PDZD2: variants seen among roughly 807,000 people sequenced by gnomAD.
PDZD2 encodes the protein PDZ domain-containing protein 2.
In PDZD2, 90 loss-of-function variants were observed where a neutral mutation model predicts 220.7. The ratio of observed to expected loss-of-function variants is 0.41; its 90% CI spans 0.34 to 0.49. PDZD2 has a LOEUF of 0.49. PDZD2 is among the 20% of genes least tolerant of loss of function. The pLI, the probability that PDZD2 is intolerant of heterozygous loss-of-function variation, is 0.28. For missense variants in PDZD2, 3,174 were observed against 3,608.5 expected (o/e 0.88, Z 3.08); for synonymous variants, 1,375 against 1,450.5 (o/e 0.95, Z 1.18).
chr5:31,973,044 A>C lies in PDZD2; in HGVS notation c.477-10111A>C, dbSNP rs563236039. ...AGTACGTTTTATAAAATCAGTTCTC[A>C]TTGTTGATCAAGAATTTTCTGCTTC... On this transcript the variant is annotated intron_variant, in intron 2 of 24. Coordinates refer to ENST00000438447, the MANE Select transcript of PDZD2 (RefSeq NM_178140.4). Among the ~76,000 whole-genome samples the C allele has an allele frequency of 3.3e-4, 51 of 152,336 alleles. No individual in the cohort carries two copies. In the South Asian group the frequency reaches 0.01, roughly 30 times the overall value.
intron 2 of PDZD2, among the ~76,000 whole-genome samples, chr5:31,827,143 T>C (rs1165811253): frequency 6.6e-6 from 1 of 152,180 alleles, no homozygotes; most frequent in Non-Finnish European, 1.5e-5. Flanking sequence ...TATGGAGGGG[T>C]GAACCGGGAA....
chr5:32,011,018 AAAAAC>A (rs1206347629), intron 6 of PDZD2, among the ~76,000 whole-genome samples: 8 of 150,300 alleles, frequency 5.3e-5, no homozygotes, highest in African/African-American at 1.5e-4. Flanking sequence ...CAAAAAAAAA[AAAAAC>A]AACAACAACA....
At position 31,706,415 on chromosome 5, in the gene PDZD2, C is replaced by T. The variant is rs1747822168; in HGVS notation, c.-361+66978C>T. 2.6e-5 allele frequency among the ~76,000 whole-genome samples: 4 copies of T among 151,754 alleles called. No individual in the cohort carries two copies. The South Asian group carries it at 8.3e-4, about 32-fold the overall frequency. On this transcript the variant is annotated intron_variant, in intron 1 of 24. Transcript: ENST00000438447. ...TTGAAGGGGGCAGGACTGGTATGGG[C>T]AGTAGGGGCTGGTGTGCAGGGGAGG...
intron 2 of PDZD2, among the ~76,000 whole-genome samples, chr5:31,839,882 T>C (rs1418313351): frequency 6.6e-6 from 1 of 152,204 alleles, no homozygotes; most frequent in Non-Finnish European, 1.5e-5. Context: ...GCACTTCTCC[T>C]TCCTGCCATC....
chr5:31,892,650 C>T lies in PDZD2; in HGVS notation c.477-90505C>T, dbSNP rs530842315. Among the ~76,000 whole-genome samples, 36 of 150,960 alleles carry T rather than the reference C, an allele frequency of 2.4e-4. No individual in the cohort carries two copies. In the East Asian group the frequency reaches 6.0e-3, roughly 25 times the overall value. ...TGGCGAGACCACAGCTCACTGCAGCCTCGACATCCCGGACTCAAGTGATCC... is the reference window on the plus strand; with the variant it reads ...TGGCGAGACCACAGCTCACTGCAGCTTCGACATCCCGGACTCAAGTGATCC... On this transcript the variant is annotated intron_variant, in intron 2 of 24. Transcript: ENST00000438447.
intron 1 of PDZD2, among the ~76,000 whole-genome samples, chr5:31,686,088 T>TA (rs146553303): frequency 0.11 from 16,072 of 151,474 alleles, 933 homozygotes; most frequent in African/African-American, 0.12. Flanking sequence ...TACCCTACCC[T>TA]ACTACCCAGG....
At chr5:31,777,341 G>T (rs1011872987) in intron 1 of PDZD2, among the ~76,000 whole-genome samples, 3 of 152,190 alleles carry the variant, frequency 2.0e-5, no homozygotes, top group Non-Finnish European at 2.9e-5. Flanking sequence ...GCCTCCCTGC[G>T]GTGCAGGGCT....
At chr5:31,865,621 CTTTTTTTTTTT>C (rs776271275) in intron 2 of PDZD2, among the ~76,000 whole-genome samples, 2 of 67,798 alleles carry the variant, frequency 2.9e-5, no homozygotes, top group African/African-American at 8.2e-5. Context: ...CTACTGGCAA[CTTTTTTTTTTT>C]TTTTTTTTTT....
Position 31,983,731 on chromosome 5 carries a change from T to C in PDZD2, c.978+75T>C, listed in dbSNP as rs557647580. 1.2e-5 allele frequency: 17 copies of C among 1,416,436 alleles called. No individual in the cohort carries two copies. The Admixed American group carries it at 1.8e-4, about 15-fold the overall frequency. 87.7% of individuals were successfully genotyped at this position (1,416,436 alleles called of 1,614,324 possible). On this transcript the variant is annotated intron_variant, in intron 3 of 24. Coordinates refer to ENST00000438447, the MANE Select transcript of PDZD2 (RefSeq NM_178140.4). ...TTGTTTGTTTTTGCAGCCCAGCCCA[T>C]GCGGGAAATACAAGCTGGGCTCAGA...
At chr5:31,853,580 A>C (rs1478205674) in intron 2 of PDZD2, among the ~76,000 whole-genome samples, 4 of 152,190 alleles carry the variant, frequency 2.6e-5, no homozygotes, top group Admixed American at 6.5e-5. Context: ...CCCAGGCTTG[A>C]CATGGGTTGG....
chr5:31,943,330 A>G (rs189685244), intron 2 of PDZD2, among the ~76,000 whole-genome samples: 1 of 152,132 alleles, frequency 6.6e-6, no homozygotes, highest in African/African-American at 2.4e-5. Flanking sequence ...TACCCTGAAA[A>G]GGTGCTTATG....
chr5:32,095,336 A>C (rs1470443394), intron 21 of PDZD2, among the ~76,000 whole-genome samples: 1 of 152,116 alleles, frequency 6.6e-6, no homozygotes, highest in Non-Finnish European at 1.5e-5. Context: ...TTCAGAGAGG[A>C]GCGTTGAGCA....
At chr5:31,919,641 C>T (rs567861757) in intron 2 of PDZD2, among the ~76,000 whole-genome samples, 4 of 150,104 alleles carry the variant, frequency 2.7e-5, no homozygotes, top group South Asian at 4.3e-4. Context: ...CCACAGCGCC[C>T]GGCCGTCTCT....
intron 1 of PDZD2, among the ~76,000 whole-genome samples, chr5:31,689,351 A>ATTTTTTTTTTTT (rs1288275783): frequency 1.8e-4 from 5 of 28,186 alleles, no homozygotes; most frequent in African/African-American, 5.9e-4. Flanking sequence ...ATATATATAT[A>ATTTTTTTTTTTT]TATTTTTTTT....
At chr5:31,648,203 A>C (rs1226404810) in intron 1 of PDZD2, among the ~76,000 whole-genome samples, 2 of 152,008 alleles carry the variant, frequency 1.3e-5, no homozygotes, top group Admixed American at 6.6e-5. Context: ...CCATTTATGC[A>C]CTTCTGCCTT....
In PDZD2 at chr5:32,098,522, G is replaced by A. The variant is rs765255741; in HGVS notation, c.8106G>A (p.Val2702=). 1.2e-6 allele frequency: 2 copies of A among 1,614,138 alleles called. No individual in the cohort carries two copies. The highest frequency in any genetic ancestry group is 1.7e-6 in the Non-Finnish European group (2 of 1,180,024). The part of the protein sequence containing the change: ...HQAQLHKDAL[V]VIKKGMDQPR... ...CACAGCTGCACAAAGATGCCCTCGT[G>A]GTCATCAAGAAAGGGATGGATCAGC... Residue 2702 remains valine (V), a synonymous_variant, in exon 23 of 25, where the codon GTG becomes GTA. Coordinates refer to ENST00000438447, the MANE Select transcript of PDZD2 (RefSeq NM_178140.4). The surrounding 1 kb of genome is among the most constrained non-coding windows in gnomAD (Gnocchi z 4.1).
intron 2 of PDZD2, among the ~76,000 whole-genome samples, chr5:31,972,117 C>A (rs1013063759): frequency 3.3e-5 from 5 of 152,120 alleles, no homozygotes; most frequent in Admixed American, 3.3e-4. Context: ...ACCTTTGTAG[C>A]CTGTTCAGTG....
At chr5:31,735,827 C>A (rs1749826440) in intron 1 of PDZD2, among the ~76,000 whole-genome samples, 2 of 152,176 alleles carry the variant, frequency 1.3e-5, no homozygotes, top group Admixed American at 6.5e-5. Flanking sequence ...CGCCTGTAGT[C>A]CCAGCTACTC....
chr5:31,800,138 C>A (rs914656876), intron 2 of PDZD2, among the ~76,000 whole-genome samples: 9 of 152,164 alleles, frequency 5.9e-5, no homozygotes, highest in Admixed American at 4.6e-4. Flanking sequence ...GGGAACAAGA[C>A]CCCAAGGGCC....
Sources: allele counts gnomAD v4.1 joint callset (sites outside exome capture counted in the v4.1 genomes callset), GRCh38; gene constraint gnomAD v4.1.1; non-coding constraint Gnocchi (gnomAD v3.1); transcripts MANE v1.5; gene names NCBI Gene and HGNC (gene_info 2026-07-23, HGNC 2026-07-21).